WDR72: variants seen among roughly 807,000 people sequenced by gnomAD.
The protein encoded by WDR72 is WD repeat domain 72, also known as WD repeat-containing protein 72.
WDR72 carries 120 observed loss-of-function variants against 124.2 expected under a neutral mutation model. The ratio of observed to expected loss-of-function variants is 0.97; its 90% CI spans 0.83 to 1.12. WDR72 has a LOEUF of 1.12. Among genes scored for constraint, WDR72 ranks in the 50% most tolerant of loss-of-function variants. The probability of loss-of-function intolerance (pLI) is 0.00; values close to 1 mark genes in which losing one functional copy is unlikely to be tolerated. For missense variants in WDR72, 1,387 were observed against 1,278.8 expected, an observed-to-expected ratio of 1.08 and a Z score of -1.29; for synonymous variants, 452 against 441.7, an observed-to-expected ratio of 1.02 and a Z score of -0.29.
rs1891406968 is a variant in WDR72 at position 53,515,383 on chromosome 15, A to G, written c.*2316T>C. On this transcript the variant is annotated 3_prime_UTR_variant, in exon 20 of 20. Coordinates refer to ENST00000360509, the MANE Select transcript of WDR72 (RefSeq NM_182758.4). ...AACTGTGTGGCAATTTGCTATTTCA[A>G]GTCCTCTCATAACAGAAATTACTGA... The G allele has an allele frequency of 6.6e-6, 1 of 152,150 alleles. No individual in the cohort carries two copies. Among genetic ancestry groups the G allele is most frequent in the African/African-American group, 2.4e-5 (1 of 41,438 alleles). 9.4% of individuals were successfully genotyped at this position (152,150 alleles called of 1,614,324 possible). A position where few individuals can be genotyped will look rare whatever the true frequency, so the allele number is the denominator to read the frequency against.
intron 14 of WDR72, among the ~76,000 whole-genome samples, chr15:53,660,523 C>CT (rs1278942178): frequency 6.6e-6 from 1 of 151,958 alleles, no homozygotes; most frequent in African/African-American, 2.4e-5. Context: ...GAATAAAACT[C>CT]TAATAAAAAT....
chr15:53,534,445 C>A (rs1796826389), intron 18 of WDR72, among the ~76,000 whole-genome samples: 1 of 152,112 alleles, frequency 6.6e-6, no homozygotes, highest in African/African-American at 2.4e-5. Flanking sequence ...GATTTCCACT[C>A]CCTTTTCCTT....
At chr15:53,672,415 C>T (rs2016027449) in intron 13 of WDR72, among the ~76,000 whole-genome samples, 1 of 151,910 alleles carries the variant, frequency 6.6e-6, no homozygotes, top group African/African-American at 2.4e-5. Flanking sequence ...AAGGAAGATT[C>T]TGAAACTGCT....
chr15:53,564,209 G>A (rs769649895), intron 18 of WDR72, among the ~76,000 whole-genome samples: 8 of 151,704 alleles, frequency 5.3e-5, no homozygotes, highest in African/African-American at 1.9e-4. Flanking sequence ...CTATCATCTT[G>A]GCATGGCTAG....
rs528880350 is a variant in WDR72, at chr15:53,744,386, C to T, written c.-12-11225G>A. ...TATTGAGCTCACAAAACTATATCCA[C>T]GTCTAAGAAATAAACCTCCCAGTAA... On this transcript the variant is annotated intron_variant, in intron 1 of 19. Coordinates refer to ENST00000360509, the MANE Select transcript of WDR72 (RefSeq NM_182758.4). Among the ~76,000 whole-genome samples the T allele has an allele frequency of 4.6e-5, 7 of 152,284 alleles. No homozygotes were observed. In the East Asian group the frequency reaches 1.2e-3, roughly 25 times the overall value.
intron 1 of WDR72, among the ~76,000 whole-genome samples, chr15:53,733,682 C>T (rs1175487927): frequency 6.6e-6 from 1 of 152,050 alleles, no homozygotes; most frequent in East Asian, 1.9e-4. Flanking sequence ...TGATTTCTGC[C>T]ATATTCTATT....
At chr15:53,761,157 G>T (rs891969535), upstream of WDR72, among the ~76,000 whole-genome samples, 2 of 151,960 alleles carry the variant, frequency 1.3e-5, no homozygotes, top group Non-Finnish European at 2.9e-5. Context: ...ATAGGCAAAA[G>T]ACCCAAAAAG....
intron 18 of WDR72, among the ~76,000 whole-genome samples, chr15:53,588,048 T>G (rs1025763876): frequency 2.6e-5 from 4 of 152,046 alleles, no homozygotes; most frequent in African/African-American, 4.8e-5. Flanking sequence ...TTTGAAGCAA[T>G]GCCCCTGGAC....
intron 1 of WDR72, among the ~76,000 whole-genome samples, chr15:53,743,546 T>C (rs2018564006): frequency 6.6e-6 from 1 of 152,236 alleles, no homozygotes; most frequent in Non-Finnish European, 1.5e-5. Flanking sequence ...GAATGATTTT[T>C]AGCCATTCGA....
intron 18 of WDR72, among the ~76,000 whole-genome samples, chr15:53,523,893 T>A (rs1195104071): frequency 1.3e-5 from 2 of 152,100 alleles, no homozygotes; most frequent in African/African-American, 4.8e-5. Flanking sequence ...AGGGCTATTG[T>A]TTCAAATGGT....
At chr15:53,586,103 C>A (rs1342659031) in intron 18 of WDR72, among the ~76,000 whole-genome samples, 1 of 152,028 alleles carries the variant, frequency 6.6e-6, no homozygotes, top group Admixed American at 6.6e-5. Context: ...ATATTCTTCT[C>A]AGATTTCAAG....
At chr15:53,556,695 T>C (rs1893946440) in intron 18 of WDR72, among the ~76,000 whole-genome samples, 1 of 152,104 alleles carries the variant, frequency 6.6e-6, no homozygotes, top group Non-Finnish European at 1.5e-5. Context: ...ATATCTTGAA[T>C]GGGTTCAATC....
intron 14 of WDR72, among the ~76,000 whole-genome samples, chr15:53,663,869 T>C (rs76253889): frequency 6.9e-6 from 1 of 145,940 alleles, no homozygotes; most frequent in East Asian, 1.9e-4. Context: ...GCTGTTAATG[T>C]TGAAGTTTCA....
At chr15:53,602,406 T>G (rs1475960485) in intron 17 of WDR72, among the ~76,000 whole-genome samples, 1 of 151,962 alleles carries the variant, frequency 6.6e-6, no homozygotes, top group Non-Finnish European at 1.5e-5. Context: ...GTTAACAGCC[T>G]AACTTCACAA....
intron 13 of WDR72, among the ~76,000 whole-genome samples, 169 bp downstream of exon 13, chr15:53,699,581 T>C (rs931769529): frequency 6.6e-6 from 1 of 152,204 alleles, no homozygotes; most frequent in Non-Finnish European, 1.5e-5. Context: ...ACTTAGGCCG[T>C]TGTGTTTAAT....
intron 14 of WDR72, among the ~76,000 whole-genome samples, chr15:53,638,579 T>A (rs572457923): frequency 2.0e-4 from 25 of 122,250 alleles, no homozygotes; most frequent in African/African-American, 7.4e-4. Context: ...CTAATCACAT[T>A]CTTTTTTTTT....
intron 16 of WDR72, 67 bp from the exon 17 acceptor site, chr15:53,609,659 G>A (rs905150617): frequency 4.5e-6 from 6 of 1,336,330 alleles, no homozygotes; most frequent in Admixed American, 3.4e-5. Flanking sequence ...CTTAAGATGG[G>A]CTGCATATTA....
At chr15:53,624,015 C>T (rs940816640) in intron 14 of WDR72, among the ~76,000 whole-genome samples, 4 of 152,162 alleles carry the variant, frequency 2.6e-5, no homozygotes. Context: ...CGACTTTTCC[C>T]ATTTTTAATG....
At position 53,517,510 on chromosome 15, in the gene WDR72, CA is replaced by C. The variant is rs111766015; in HGVS notation, c.*188del. 2,278 of 587,150 alleles carry C rather than the reference CA, an allele frequency of 3.9e-3. 51 individuals carry two copies. The African/African-American group carries it at 0.039, about 10-fold the overall frequency. The allele number at this position is 587,150 out of a possible 1,614,324, so 36.4% of individuals were successfully genotyped here. A position where few individuals can be genotyped will look rare whatever the true frequency, so the allele number is the denominator to read the frequency against. ...TTAGATGAATATGAATATTTTCAAT[CA>C]GTATGTATTGCATTGTAATCAGCAT... On this transcript the variant is annotated 3_prime_UTR_variant, in exon 20 of 20. Transcript: ENST00000360509.
Sources: gnomAD v4.1 joint callset for allele counts (sites outside exome capture counted in the v4.1 genomes callset) on GRCh38, gnomAD v4.1.1 for gene constraint, MANE v1.5 for transcripts, NCBI Gene and HGNC (gene_info 2026-07-23, HGNC 2026-07-21) for gene names.